OR2C1: variants seen among roughly 807,000 people sequenced by gnomAD.
OR2C1 encodes olfactory receptor family 2 subfamily C member 1, also known as olfactory receptor 2C1.
For synonymous variants in OR2C1, 209 were observed against 167.3 expected, an observed-to-expected ratio of 1.25 and a Z score of -1.92; for missense variants, 468 against 388.3, an observed-to-expected ratio of 1.21 and a Z score of -1.73.
At chr16:3,352,666 A>G (rs935529728), upstream of OR2C1, among the ~76,000 whole-genome samples, 1 of 151,884 alleles carries the variant, frequency 6.6e-6, no homozygotes, top group Non-Finnish European at 1.5e-5. Flanking sequence ...CACTTTGTCT[A>G]ATACCAGCCC....
the OR2C1 span, among the ~76,000 whole-genome samples, chr16:3,349,413 C>A: frequency 6.6e-6 from 1 of 152,144 alleles, no homozygotes; most frequent in Non-Finnish European, 1.5e-5. Flanking sequence ...AGGCTTCCAA[C>A]TGCGACCCAG....
At chr16:3,351,623 T>A (rs1397115956), upstream of OR2C1, among the ~76,000 whole-genome samples, 1 of 152,188 alleles carries the variant, frequency 6.6e-6, no homozygotes, top group East Asian at 1.9e-4. Context: ...TTATCCTTTT[T>A]AAAATGCTAG....
the OR2C1 span, among the ~76,000 whole-genome samples, chr16:3,338,097 G>C: frequency 6.6e-6 from 1 of 152,178 alleles, no homozygotes; most frequent in African/African-American, 2.4e-5. Context: ...TATCCCAGTA[G>C]TGTGGGAAGG....
At chr16:3,334,115 C>T in the OR2C1 span, among the ~76,000 whole-genome samples, 2 of 151,384 alleles carry the variant, frequency 1.3e-5, no homozygotes, top group South Asian at 2.1e-4. Context: ...TGGAACTACG[C>T]GTGTGCCCCA....
chr16:3,355,467 A>AAAAAAAAAAAT (rs1382716732), upstream of OR2C1, among the ~76,000 whole-genome samples: 1 of 142,856 alleles, frequency 7.0e-6, no homozygotes, highest in African/African-American at 2.6e-5. Context: ...CAAAAAAAAA[A>AAAAAAAAAAAT]AAAAAGCTTG....
At chr16:3,325,358 A>T in the OR2C1 span, among the ~76,000 whole-genome samples, 1 of 151,436 alleles carries the variant, frequency 6.6e-6, no homozygotes, top group Non-Finnish European at 1.5e-5. Flanking sequence ...GGCTTAAGTG[A>T]TCCTCCTGCC....
chr16:3,327,234 C>G, the OR2C1 span, among the ~76,000 whole-genome samples: 1 of 152,062 alleles, frequency 6.6e-6, no homozygotes, highest in African/African-American at 2.4e-5. Flanking sequence ...TTTATCCCCT[C>G]CAGTTTTTTT....
the OR2C1 span, among the ~76,000 whole-genome samples, chr16:3,332,606 G>A: frequency 2.0e-5 from 3 of 151,956 alleles, no homozygotes; most frequent in Non-Finnish European, 2.9e-5. Context: ...TGTGATATTT[G>A]TGTTTCTGTG....
At chr16:3,336,712 C>CTTTTTTT in the OR2C1 span, among the ~76,000 whole-genome samples, 19 of 96,750 alleles carry the variant, frequency 2.0e-4, no homozygotes, top group African/African-American at 3.3e-4. Flanking sequence ...TTCTTTCTTT[C>CTTTTTTT]TTTTTTTTTT....
At chr16:3,347,997 T>C in the OR2C1 span, among the ~76,000 whole-genome samples, 140 of 152,310 alleles carry the variant, frequency 9.2e-4, 2 homozygotes, top group East Asian at 0.024. Flanking sequence ...ATATTTAGCA[T>C]ACAAACATTA....
the OR2C1 span, among the ~76,000 whole-genome samples, chr16:3,335,520 C>CTT: frequency 9.4e-3 from 524 of 55,474 alleles, 2 homozygotes; most frequent in Middle Eastern, 0.016. Flanking sequence ...AATGCTACTG[C>CTT]TTTTTTTTTT....
chr16:3,351,887 CT>C (rs35692577), upstream of OR2C1, among the ~76,000 whole-genome samples: 55,474 of 124,296 alleles, frequency 0.45, 9,735 homozygotes, highest in East Asian at 0.57. Context: ...AGCATTTAGT[CT>C]TTTTTTTTTT....
upstream of OR2C1, among the ~76,000 whole-genome samples, chr16:3,353,915 T>C (rs1300474198): frequency 6.6e-6 from 1 of 152,144 alleles, no homozygotes; most frequent in Non-Finnish European, 1.5e-5. Flanking sequence ...GGCCCATTAT[T>C]AACAAGAGCT....
At position 3,356,905 on chromosome 16, in the gene OR2C1, C is replaced by A; in HGVS notation, c.*26C>A. 4 of 1,490,484 alleles carry A rather than the reference C, an allele frequency of 2.7e-6. No individual in the cohort carries two copies. The highest frequency in any genetic ancestry group is 3.6e-6 in the Non-Finnish European group (4 of 1,107,232). The allele number at this position is 1,490,484 out of a possible 1,614,324, so 92.3% of individuals were successfully genotyped here. Reference sequence around the variant, plus strand: ...GAGAACACTCCTTCGTTATTTATTGCGTCTTCATCTCTACATGCGTTTCTC... The same window carrying A: ...GAGAACACTCCTTCGTTATTTATTGAGTCTTCATCTCTACATGCGTTTCTC... On this transcript the variant is annotated 3_prime_UTR_variant, in exon 1 of 1. Coordinates refer to ENST00000304936, the MANE Select transcript of OR2C1 (RefSeq NM_012368.3).
At chr16:3,349,510 G>T in the OR2C1 span, among the ~76,000 whole-genome samples, 1 of 152,156 alleles carries the variant, frequency 6.6e-6, no homozygotes, top group Non-Finnish European at 1.5e-5. Context: ...CCTCCCTCTC[G>T]GTCCCATGCC....
chr16:3,338,538 C>CTTTTTTTTTTTTT, the OR2C1 span, among the ~76,000 whole-genome samples: 4,265 of 102,466 alleles, frequency 0.042, 535 homozygotes, highest in South Asian at 0.067. Flanking sequence ...GTATAGGTAC[C>CTTTTTTTTTTTTT]TTTTTTTTTT....
the OR2C1 span, among the ~76,000 whole-genome samples, chr16:3,350,088 C>CTCTG: frequency 2.8e-5 from 3 of 108,580 alleles, no homozygotes. Context: ...GGTGGAGTCT[C>CTCTG]TCTGTCGCCC....
At chr16:3,352,100 C>G (rs2030581587), upstream of OR2C1, among the ~76,000 whole-genome samples, 1 of 151,866 alleles carries the variant, frequency 6.6e-6, no homozygotes, top group African/African-American at 2.4e-5. Flanking sequence ...TGCATTGTAT[C>G]TGTGTTTGTT....
the OR2C1 span, among the ~76,000 whole-genome samples, chr16:3,328,613 A>C: frequency 6.6e-6 from 1 of 152,172 alleles, no homozygotes; most frequent in East Asian, 1.9e-4. Flanking sequence ...TAGGATGGAG[A>C]GCAGAAAATA....
Sources: allele counts gnomAD v4.1 joint callset (sites outside exome capture counted in the v4.1 genomes callset), GRCh38; gene constraint gnomAD v4.1.1; transcripts MANE v1.5; gene names NCBI Gene and HGNC (gene_info 2026-07-23, HGNC 2026-07-21).